The following FAM171B variants were observed in gnomAD, a reference collection of about 807,000 sequenced individuals.
FAM171B encodes protein FAM171B.
A neutral mutation model predicts 75.6 loss-of-function variants in FAM171B; 19 were observed. The ratio of observed to expected loss-of-function variants is 0.25; its 90% CI spans 0.18 to 0.37. The LOEUF is 0.37. FAM171B is among the 10% of genes least tolerant of loss of function. The pLI is 1.00. For synonymous variants in FAM171B, 367 were observed against 361.7 expected, an observed-to-expected ratio of 1.01 and a Z score of -0.17; for missense variants, 848 against 982.4, an observed-to-expected ratio of 0.86 and a Z score of 1.83.
At chr2:186,761,373 T>A (rs1326385804) in intron 7 of FAM171B, 106 bp from the exon 8 acceptor site, 1 of 1,430,134 alleles carries the variant, frequency 7.0e-7, no homozygotes, top group Non-Finnish European at 9.4e-7. Context: ...TCTACATATC[T>A]CACAATAGCA....
chr2:186,751,931 C>T (rs1384010364), intron 5 of FAM171B, among the ~76,000 whole-genome samples: 1 of 152,102 alleles, frequency 6.6e-6, no homozygotes, highest in African/African-American at 2.4e-5. Context: ...GGTAGGACTT[C>T]CTTGGGTGAG....
intron 1 of FAM171B, among the ~76,000 whole-genome samples, chr2:186,730,722 G>A (rs1010014223): frequency 2.0e-5 from 3 of 152,076 alleles, no homozygotes; most frequent in Admixed American, 6.5e-5. Context: ...ATTAGAAAAC[G>A]TTTTAGAAAA....
At position 186,762,498 on chromosome 2, in the gene FAM171B, A is replaced by T. The variant is rs1690633431; in HGVS notation, c.2156A>T (p.Lys719Met). The change falls in exon 8 of 8, where the codon AAG (lysine) becomes ATG (methionine). Residue 719 changes from lysine (K) to methionine (M), a missense_variant. By Grantham distance (95) the Lys-to-Met change is moderately conservative. Coordinates refer to ENST00000304698, the MANE Select transcript of FAM171B (RefSeq NM_177454.4). The surrounding 1 kb of genome is among the most constrained non-coding windows in gnomAD (Gnocchi z 4.0). ...VDMNELHSSR[K>M]LEREKTFIKS... ...ATGAATGAGCTTCACTCAAGTAGAA[A>T]GCTCGAGAGGGAGAAAACATTCATC... 1 of 1,613,588 alleles carries T rather than the reference A, an allele frequency of 6.2e-7. No individual in the cohort carries two copies. The highest frequency in any genetic ancestry group is 1.3e-5 in the African/African-American group (1 of 74,964).
At chr2:186,729,115 A>C (rs1332783258) in intron 1 of FAM171B, among the ~76,000 whole-genome samples, 1 of 152,146 alleles carries the variant, frequency 6.6e-6, no homozygotes, top group African/African-American at 2.4e-5. Context: ...CTAAATAGTT[A>C]AATCTTCTCC....
intron 1 of FAM171B, among the ~76,000 whole-genome samples, chr2:186,712,809 C>T (rs754349344): frequency 3.9e-5 from 6 of 152,178 alleles, no homozygotes; most frequent in Non-Finnish European, 8.8e-5. Context: ...TTGTTCACTT[C>T]GCAGTACTAA....
At chr2:186,728,951 C>T (rs1690073600) in intron 1 of FAM171B, among the ~76,000 whole-genome samples, 1 of 151,996 alleles carries the variant, frequency 6.6e-6, no homozygotes, top group Non-Finnish European at 1.5e-5. Context: ...TTTTTAAAGC[C>T]CTTTTGGACT....
At chr2:186,758,893 T>G (rs1450715601) in intron 6 of FAM171B, among the ~76,000 whole-genome samples, 1 of 152,120 alleles carries the variant, frequency 6.6e-6, no homozygotes, top group Non-Finnish European at 1.5e-5. Flanking sequence ...TGTTGTACTA[T>G]GAAAATACTA....
chr2:186,701,856 A>C (rs1237539216), intron 1 of FAM171B, among the ~76,000 whole-genome samples: 1 of 152,186 alleles, frequency 6.6e-6, no homozygotes, highest in Non-Finnish European at 1.5e-5. Flanking sequence ...CAAGTATATA[A>C]ATATTGAACT....
chr2:186,753,033 C>A (rs1312968275), intron 5 of FAM171B, among the ~76,000 whole-genome samples: 3 of 151,984 alleles, frequency 2.0e-5, no homozygotes, highest in Non-Finnish European at 4.4e-5. Flanking sequence ...AAAATTAAGG[C>A]CATAAAACAG....
intron 1 of FAM171B, among the ~76,000 whole-genome samples, chr2:186,715,455 C>T (rs1456822483): frequency 2.0e-5 from 3 of 152,106 alleles, no homozygotes; most frequent in Admixed American, 2.0e-4. Context: ...CTCAGGCCTC[C>T]CCCTCACAGA....
chr2:186,760,512 G>A (rs533148508), intron 6 of FAM171B, among the ~76,000 whole-genome samples: 6 of 151,890 alleles, frequency 4.0e-5, no homozygotes, highest in Middle Eastern at 6.8e-3. Context: ...AAATATTTTC[G>A]CCCAGTTTAT....
At chr2:186,709,303 T>C (rs1689778700) in intron 1 of FAM171B, among the ~76,000 whole-genome samples, 1 of 152,166 alleles carries the variant, frequency 6.6e-6, no homozygotes, top group Non-Finnish European at 1.5e-5. Context: ...TCCAGTAGTC[T>C]CTAGAATTTT....
chr2:186,746,687 C>T (rs1272396070), intron 3 of FAM171B, among the ~76,000 whole-genome samples: 2 of 152,322 alleles, frequency 1.3e-5, no homozygotes, highest in African/African-American at 4.8e-5. Context: ...ATTAACTGTG[C>T]TTGGGACAGG....
chr2:186,695,759 C>A (rs1303990961), intron 1 of FAM171B, among the ~76,000 whole-genome samples: 1 of 152,054 alleles, frequency 6.6e-6, no homozygotes, highest in East Asian at 1.9e-4. Context: ...GTTTTCCTAC[C>A]CAGCTTTTAA....
At chr2:186,732,438 A>G (rs975680301) in intron 1 of FAM171B, among the ~76,000 whole-genome samples, 5 of 152,230 alleles carry the variant, frequency 3.3e-5, no homozygotes, top group Admixed American at 3.3e-4. Context: ...ATGGGTCTGC[A>G]GCCACCTCAG....
At chr2:186,700,719 A>G (rs928368459) in intron 1 of FAM171B, among the ~76,000 whole-genome samples, 5 of 152,280 alleles carry the variant, frequency 3.3e-5, no homozygotes, top group South Asian at 2.1e-4. Context: ...TTGTGTGAAT[A>G]TGTTTTCATA....
intron 1 of FAM171B, among the ~76,000 whole-genome samples, chr2:186,704,340 T>A (rs951685019): frequency 1.4e-4 from 22 of 152,102 alleles, no homozygotes; most frequent in South Asian, 4.1e-4. Context: ...ATAATTTTTT[T>A]AAAAAAACAG....
At chr2:186,759,316 G>T (rs1047399711) in intron 6 of FAM171B, among the ~76,000 whole-genome samples, 2 of 152,094 alleles carry the variant, frequency 1.3e-5, no homozygotes, top group Non-Finnish European at 2.9e-5. Flanking sequence ...GGGTCTTCCC[G>T]ACTGAGCTGG....
intron 1 of FAM171B, among the ~76,000 whole-genome samples, chr2:186,717,290 A>T (rs1256579742): frequency 6.6e-6 from 1 of 152,238 alleles, no homozygotes. Context: ...GAGCCCAAAG[A>T]AATTGCATGA....
Sources: allele counts gnomAD v4.1 joint callset (sites outside exome capture counted in the v4.1 genomes callset), GRCh38; gene constraint gnomAD v4.1.1; non-coding constraint Gnocchi (gnomAD v3.1); transcripts MANE v1.5; gene names NCBI Gene and HGNC (gene_info 2026-07-23, HGNC 2026-07-21).